Variants in USP48 observed in about 807,000 individuals in gnomAD.
USP48 encodes the protein ubiquitin carboxyl-terminal hydrolase 48.
A neutral mutation model predicts 150.7 loss-of-function variants in USP48; 43 were observed. The ratio of observed to expected loss-of-function variants is 0.29; its 90% CI spans 0.22 to 0.37. The LOEUF (loss-of-function observed/expected upper bound fraction) is 0.37. Among genes scored for constraint, USP48 ranks in the 10% least tolerant of loss-of-function variants. USP48 has a pLI of 1.00. For missense variants in USP48, 813 were observed against 1,249.6 expected (o/e 0.65, Z 5.27); for synonymous variants, 396 against 425.9 (o/e 0.93, Z 0.86).
At chr1:21,706,089 G>T in intron 18 of USP48, 37 bp downstream of exon 18, 3 of 1,599,194 alleles carry the variant, frequency 1.9e-6, no homozygotes, top group Non-Finnish European at 2.6e-6. Flanking sequence ...AACCAAATCA[G>T]TAACAATAAA....
At chr1:21,735,472 C>T (rs1469309218) in intron 9 of USP48, among the ~76,000 whole-genome samples, 2 of 152,088 alleles carry the variant, frequency 1.3e-5, no homozygotes, top group Admixed American at 6.6e-5. Context: ...CCAGGTTGGC[C>T]GGGCATGATG....
chr1:21,688,467 C>T (rs1019824739), intron 24 of USP48, among the ~76,000 whole-genome samples: 2 of 151,758 alleles, frequency 1.3e-5, no homozygotes, highest in Non-Finnish European at 2.9e-5. Flanking sequence ...GATCCACCCA[C>T]CTCAACCTCC....
chr1:21,733,331 C>T (rs1376727207), intron 9 of USP48, among the ~76,000 whole-genome samples: 2 of 152,156 alleles, frequency 1.3e-5, no homozygotes, highest in East Asian at 1.9e-4. Context: ...GCAGGAGAAT[C>T]GTTTGAACCT....
At chr1:21,779,372 C>A (rs747048373) in intron 1 of USP48, among the ~76,000 whole-genome samples, 2 of 151,918 alleles carry the variant, frequency 1.3e-5, no homozygotes, top group South Asian at 4.2e-4. Context: ...TGGCGAAACC[C>A]AGTCTCTACT....
At chr1:21,757,103 T>C (rs1346217622) in intron 2 of USP48, 2 of 735,864 alleles carry the variant, frequency 2.7e-6, no homozygotes, top group Non-Finnish European at 3.3e-6. Flanking sequence ...CTTTATATTC[T>C]AGAGATTTTA....
At chr1:21,774,515 T>C (rs2097892112) in intron 1 of USP48, among the ~76,000 whole-genome samples, 1 of 151,268 alleles carries the variant, frequency 6.6e-6, no homozygotes, top group Admixed American at 6.6e-5. Context: ...AGTGAAACCA[T>C]ATCTCTACTA....
At chr1:21,736,369 CATA>C in intron 9 of USP48, 74 bp downstream of exon 9, 1 of 1,361,214 alleles carries the variant, frequency 7.3e-7, no homozygotes, top group Non-Finnish European at 1.0e-6. Flanking sequence ...AATCTTGAGC[CATA>C]ATAATTTATC....
intron 1 of USP48, among the ~76,000 whole-genome samples, chr1:21,767,612 C>T (rs1201570472): frequency 2.0e-5 from 3 of 150,914 alleles, no homozygotes; most frequent in African/African-American, 4.9e-5. Context: ...CATGAGCCAC[C>T]GCGACCCGGC....
In USP48 at chr1:21,679,212, A is replaced by C; in HGVS notation, c.*205T>G. On this transcript the variant is annotated 3_prime_UTR_variant, in exon 27 of 27. Coordinates refer to ENST00000308271, the MANE Select transcript of USP48 (RefSeq NM_032236.8). ...CCCCCTTAAATATAAAATTGGAAAC[A>C]TTTCCTTCAAGTCTGATGTCCATCA... 1.8e-6 allele frequency: 1 copy of C among 569,434 alleles called. No individual in the cohort carries two copies. Among genetic ancestry groups the C allele is most frequent in the Non-Finnish European group, 3.1e-6 (1 of 323,920 alleles). 35.3% of individuals were successfully genotyped at this position (569,434 alleles called of 1,614,324 possible). A position where few individuals can be genotyped will look rare whatever the true frequency, so the allele number is the denominator to read the frequency against.
intron 1 of USP48, among the ~76,000 whole-genome samples, chr1:21,762,269 C>G: frequency 7.3e-6 from 1 of 137,636 alleles, no homozygotes; most frequent in East Asian, 2.1e-4. Flanking sequence ...AGACTCGTCT[C>G]AAAAAAAAAA....
chr1:21,746,358 T>C (rs1372187419), intron 8 of USP48, among the ~76,000 whole-genome samples: 2 of 152,088 alleles, frequency 1.3e-5, no homozygotes. Context: ...GGCTCCCTTG[T>C]AGCCTCCCAG....
chr1:21,692,082 G>A (rs78847873), intron 23 of USP48, among the ~76,000 whole-genome samples: 2,883 of 152,130 alleles, frequency 0.019, 38 homozygotes, highest in Middle Eastern at 0.048. Context: ...TTTAATAATC[G>A]CACCAAAGAC....
Position 21,744,582 on chromosome 1 carries a change from C to A in USP48, c.991+2485G>T, listed in dbSNP as rs199832194. On this transcript the variant is annotated intron_variant, in intron 8 of 26. Transcript: ENST00000308271. ...CTTGAGGTCAGGAGTTCAAGACCAG[C>A]CTGGTCAACACAGTGAAACCCCGTC... Among the ~76,000 whole-genome samples, 16 of 151,720 alleles carry A rather than the reference C, an allele frequency of 1.1e-4. No individual in the cohort carries two copies. In the East Asian group the frequency reaches 3.1e-3, roughly 29 times the overall value.
chr1:21,728,837 G>T, intron 10 of USP48, 118 bp from the exon 11 acceptor site: 2 of 1,243,310 alleles, frequency 1.6e-6, no homozygotes, highest in Non-Finnish European at 2.2e-6. Flanking sequence ...TTCCAACTAT[G>T]GTCTCCCTGT....
chr1:21,707,523 C>T (rs1293043293), intron 15 of USP48, among the ~76,000 whole-genome samples: 3 of 152,082 alleles, frequency 2.0e-5, no homozygotes, highest in African/African-American at 7.2e-5. Context: ...CTTCAAAAAT[C>T]CCAGAAGATA....
Position 21,694,595 on chromosome 1 carries a change from A to C in USP48, c.2883+471T>G, listed in dbSNP as rs1457027738. ...ACCAAAAAAAAAAAAAAAAAAAAAA[A>C]AAAAAAAAAAAACCCCCTCTATCTA... is the stretch of plus-strand genomic sequence containing the variant. On this transcript the variant is annotated intron_variant, in intron 23 of 26. Transcript: ENST00000308271. Among the ~76,000 whole-genome samples, 32 of 123,642 alleles carry C rather than the reference A, an allele frequency of 2.6e-4. 1 individual carries two copies. The highest frequency in any genetic ancestry group is 9.0e-4 in the African/African-American group (32 of 35,444). The allele number at this position is 123,642 out of a possible 152,430, so 81.1% of individuals were successfully genotyped here.
Position 21,690,118 on chromosome 1 carries a change from G to C in USP48, c.2884-19C>G, listed in dbSNP as rs371749947. The C allele has an allele frequency of 1.9e-6, 3 of 1,598,712 alleles. No individual in the cohort carries two copies. Among genetic ancestry groups the C allele is most frequent in the East Asian group, 2.2e-5 (1 of 44,546 alleles). Reference sequence around the variant, plus strand: ...GCATGATCTGTGCCAATATAAAAGAGAGAAAGTCCGTATAATGCAAAATAC... The same window carrying C: ...GCATGATCTGTGCCAATATAAAAGACAGAAAGTCCGTATAATGCAAAATAC... On this transcript the variant is annotated intron_variant, in intron 23 of 26. Transcript: ENST00000308271.
intron 1 of USP48, among the ~76,000 whole-genome samples, chr1:21,774,179 A>C (rs1048937513): frequency 3.4e-5 from 4 of 119,350 alleles, no homozygotes; most frequent in Admixed American, 1.8e-4. Context: ...ACTCCGTCTC[A>C]AAATAATAAT....
intron 25 of USP48, among the ~76,000 whole-genome samples, chr1:21,685,438 C>T (rs1485529748): frequency 1.3e-5 from 2 of 151,896 alleles, no homozygotes; most frequent in Admixed American, 1.3e-4. Context: ...CCTCAGCCTC[C>T]CTAGTAACTG....
Sources: gnomAD v4.1 joint callset for allele counts (sites outside exome capture counted in the v4.1 genomes callset) on GRCh38, gnomAD v4.1.1 for gene constraint, MANE v1.5 for transcripts, NCBI Gene and HGNC (gene_info 2026-07-23, HGNC 2026-07-21) for gene names.